Variants in ENTREP2 observed in about 807,000 individuals in gnomAD.
The protein encoded by ENTREP2 is endosomal transmembrane epsin interactor 2.
the ENTREP2 span, among the ~76,000 whole-genome samples, chr15:29,423,059 G>A: frequency 6.6e-6 from 1 of 152,132 alleles, no homozygotes; most frequent in Non-Finnish European, 1.5e-5. Context: ...CTGAAAACAT[G>A]ACATAGTATA....
the ENTREP2 span, among the ~76,000 whole-genome samples, chr15:29,165,709 T>G: frequency 3.3e-5 from 5 of 152,006 alleles, no homozygotes; most frequent in African/African-American, 7.2e-5. Flanking sequence ...CAACAAAAAA[T>G]GTCCACGACC....
At chr15:29,392,584 A>C in the ENTREP2 span, among the ~76,000 whole-genome samples, 1 of 152,080 alleles carries the variant, frequency 6.6e-6, no homozygotes, top group Non-Finnish European at 1.5e-5. Flanking sequence ...TTCTCTAAAG[A>C]CTTTTGAGAT....
the ENTREP2 span, chr15:29,234,719 T>C: frequency 4.0e-6 from 6 of 1,517,740 alleles, no homozygotes; most frequent in African/African-American, 1.4e-5. Flanking sequence ...AGTTCCATTG[T>C]GGCAAGTAAA....
At chr15:29,430,631 C>G in the ENTREP2 span, among the ~76,000 whole-genome samples, 1 of 151,824 alleles carries the variant, frequency 6.6e-6, no homozygotes, top group Non-Finnish European at 1.5e-5. Context: ...GCCTGGGCAA[C>G]AGAGTGAGAC....
chr15:29,509,286 T>A, the ENTREP2 span, among the ~76,000 whole-genome samples: 1 of 152,142 alleles, frequency 6.6e-6, no homozygotes, highest in Non-Finnish European at 1.5e-5. Flanking sequence ...TCCACATTCA[T>A]GGACAGGGAG....
chr15:29,140,807 A>G, the ENTREP2 span, among the ~76,000 whole-genome samples: 2 of 152,170 alleles, frequency 1.3e-5, no homozygotes, highest in Non-Finnish European at 2.9e-5. Flanking sequence ...AGGGCAAAAA[A>G]GGGGCTGTGA....
the ENTREP2 span, chr15:29,136,265 C>G: frequency 1.5e-5 from 19 of 1,301,886 alleles, no homozygotes; most frequent in Non-Finnish European, 1.8e-5. Flanking sequence ...TCACAGCCAG[C>G]TCGGACCTGG....
the ENTREP2 span, chr15:29,269,402 T>C: frequency 1.9e-3 from 3,089 of 1,614,140 alleles, 5 homozygotes; most frequent in Non-Finnish European, 2.5e-3. Context: ...GGAATCTTCT[T>C]CTGGTCTTTA....
At chr15:29,251,619 C>T in the ENTREP2 span, among the ~76,000 whole-genome samples, 6 of 151,926 alleles carry the variant, frequency 3.9e-5, no homozygotes, top group South Asian at 6.2e-4. Context: ...TAACGTGGCC[C>T]GAGGAAGCCA....
chr15:29,401,958 C>T, the ENTREP2 span, among the ~76,000 whole-genome samples: 1 of 152,140 alleles, frequency 6.6e-6, no homozygotes, highest in East Asian at 1.9e-4. Flanking sequence ...CTTGGAACGA[C>T]GCACAAGAAA....
chr15:29,513,008 C>G, the ENTREP2 span, among the ~76,000 whole-genome samples: 1 of 152,166 alleles, frequency 6.6e-6, no homozygotes, highest in African/African-American at 2.4e-5. Flanking sequence ...TCTCTGAAAT[C>G]TCTCATATTC....
At chr15:29,319,395 C>T in the ENTREP2 span, among the ~76,000 whole-genome samples, 3 of 152,130 alleles carry the variant, frequency 2.0e-5, no homozygotes, top group African/African-American at 7.2e-5. Flanking sequence ...GAACAGAGGT[C>T]CTGGGTTGTT....
At chr15:29,231,110 T>C in the ENTREP2 span, among the ~76,000 whole-genome samples, 1 of 152,158 alleles carries the variant, frequency 6.6e-6, no homozygotes, top group Non-Finnish European at 1.5e-5. Context: ...GTTATAATGC[T>C]GATGAACAAA....
At chr15:29,217,476 T>C in the ENTREP2 span, among the ~76,000 whole-genome samples, 2 of 152,202 alleles carry the variant, frequency 1.3e-5, no homozygotes, top group African/African-American at 4.8e-5. Context: ...TTTATCTTTG[T>C]TGGATTGGGT....
the ENTREP2 span, among the ~76,000 whole-genome samples, chr15:29,169,324 A>C: frequency 1.3e-5 from 2 of 152,186 alleles, no homozygotes; most frequent in Non-Finnish European, 2.9e-5. Context: ...ATTTTGGGAA[A>C]AAAAAGGCTT....
At chr15:29,301,850 A>C in the ENTREP2 span, among the ~76,000 whole-genome samples, 2 of 152,334 alleles carry the variant, frequency 1.3e-5, no homozygotes, top group East Asian at 3.9e-4. Context: ...CCATGTGAGG[A>C]CACAGCGAGG....
chr15:29,559,862 G>A, the ENTREP2 span, among the ~76,000 whole-genome samples: 1 of 152,176 alleles, frequency 6.6e-6, no homozygotes, highest in Non-Finnish European at 1.5e-5. Flanking sequence ...CTAGGGATTA[G>A]GATGTGGACT....
the ENTREP2 span, among the ~76,000 whole-genome samples, chr15:29,325,905 T>G: frequency 1.5e-4 from 23 of 152,254 alleles, 1 homozygote; most frequent in South Asian, 4.6e-3. Flanking sequence ...CCAATGGGAT[T>G]TATTATAAGT....
the ENTREP2 span, among the ~76,000 whole-genome samples, chr15:29,315,006 C>T: frequency 6.6e-6 from 1 of 152,072 alleles, no homozygotes; most frequent in Non-Finnish European, 1.5e-5. Context: ...GAGCCGAGAT[C>T]GTGCCACTGC....
Sources: gnomAD v4.1 joint callset for allele counts (sites outside exome capture counted in the v4.1 genomes callset) on GRCh38, gnomAD v4.1.1 for gene constraint, MANE v1.5 for transcripts, NCBI Gene and HGNC (gene_info 2026-07-23, HGNC 2026-07-21) for gene names.